The following ARHGAP6 variants were observed in gnomAD, a reference collection of about 807,000 sequenced individuals.
ARHGAP6 encodes Rho GTPase activating protein 6.
Under a neutral mutation model 55.7 loss-of-function variants are expected in ARHGAP6, and 16 were observed. The observed-to-expected ratio is 0.29, with a 90% CI of 0.19 to 0.44. The LOEUF (loss-of-function observed/expected upper bound fraction) is 0.44. Among genes scored for constraint, ARHGAP6 ranks in the 20% least tolerant of loss-of-function variants. The pLI is 1.00. For synonymous variants in ARHGAP6, 382 were observed against 360.9 expected (o/e 1.06, Z -0.66); for missense variants, 698 against 808.9 (o/e 0.86, Z 1.66).
At position 11,389,641 on chromosome X, in the gene ARHGAP6, CAT is replaced by C. The variant is rs1472773503; in HGVS notation, c.589-134936_589-134935del. 3.4e-4 allele frequency among the ~76,000 whole-genome samples: 38 copies of C among 112,448 alleles called. 1 individual carries two copies. Among genetic ancestry groups the C allele is most frequent in the African/African-American group, 1.2e-3 (38 of 31,063 alleles). ...AAATATCTGTGTTTGCTAAATTTTA[CAT>C]GTCCTAAATAATACATTTGTAGGGG... On this transcript the variant is annotated intron_variant, in intron 1 of 12. Coordinates refer to ENST00000337414, the MANE Select transcript of ARHGAP6 (RefSeq NM_013427.3).
At chrX:11,292,572 A>G (rs1332798405) in intron 1 of ARHGAP6, among the ~76,000 whole-genome samples, 2 of 111,738 alleles carry the variant, frequency 1.8e-5, no homozygotes, top group Admixed American at 1.9e-4. Context: ...CCAGAAGGAT[A>G]TGGGCAAAGA....
At chrX:11,298,976 G>A in intron 1 of ARHGAP6, 2 of 1,208,252 alleles carry the variant, frequency 1.7e-6, no homozygotes, top group Non-Finnish European at 2.2e-6. Context: ...AGGAAGTGGT[G>A]AGTATATTTT....
At chrX:11,510,864 A>C (rs2147866591) in intron 1 of ARHGAP6, among the ~76,000 whole-genome samples, 1 of 111,989 alleles carries the variant, frequency 8.9e-6, no homozygotes. Context: ...TCTATACATA[A>C]AGTTTTATTA....
At position 11,139,262 on chromosome X, in the gene ARHGAP6, G is replaced by A. The variant is rs1382832390; in HGVS notation, c.2526C>T (p.Thr842=). 4 of 1,196,466 alleles carry A rather than the reference G, an allele frequency of 3.3e-6. No homozygotes were observed. Among genetic ancestry groups the A allele is most frequent in the African/African-American group, 3.5e-5 (2 of 57,624 alleles). Residue 842 remains threonine, a synonymous_variant, in exon 13 of 13, where the codon ACC becomes ACT. Transcript: ENST00000337414. ...CGCTGAGGTCGTGGGCGCCGCTCAG[G>A]GTCAAGTACTGCTCCGACCTGGCCG... ...RPTARSEQYL[T]LSGAHDLSES...
intron 2 of ARHGAP6, among the ~76,000 whole-genome samples, chrX:11,251,274 C>A (rs187893375): frequency 2.7e-5 from 3 of 111,675 alleles, no homozygotes. Flanking sequence ...ACGTGCCCTC[C>A]CACCATCTTC....
At chrX:11,326,256 G>A (rs2048497110) in intron 1 of ARHGAP6, among the ~76,000 whole-genome samples, 1 of 109,055 alleles carries the variant, frequency 9.2e-6, no homozygotes, top group Admixed American at 9.9e-5. Flanking sequence ...AGCCTCCCAA[G>A]TAGCTGGGAT....
chrX:11,582,867 T>C (rs887252693), intron 1 of ARHGAP6, among the ~76,000 whole-genome samples: 1 of 111,483 alleles, frequency 9.0e-6, no homozygotes, highest in Non-Finnish European at 1.9e-5. Context: ...GTATACAATA[T>C]ATACACATAT....
At chrX:11,338,862 TC>T (rs1353681627) in intron 1 of ARHGAP6, among the ~76,000 whole-genome samples, 4 of 112,067 alleles carry the variant, frequency 3.6e-5, no homozygotes, top group African/African-American at 1.3e-4. Flanking sequence ...CATCTGGACC[TC>T]CCCCAGCTTT....
At chrX:11,214,903 G>A (rs1201419283) in intron 2 of ARHGAP6, among the ~76,000 whole-genome samples, 2 of 113,391 alleles carry the variant, frequency 1.8e-5, no homozygotes, top group African/African-American at 6.4e-5. Context: ...GGGAAAGCCG[G>A]CATGAGGCCC....
rs184170945 is a variant in ARHGAP6, at chrX:11,555,343, C to T, written c.588+108898G>A. On this transcript the variant is annotated intron_variant, in intron 1 of 12. Transcript: ENST00000337414. ...AATAATGCTTAATACGTAAATATTG[C>T]AAAGAAAAATAAAGCTGGATAAAGG... Among the ~76,000 whole-genome samples, 406 of 111,100 alleles carry T rather than the reference C, an allele frequency of 3.7e-3. 1 individual carries two copies. The highest frequency in any genetic ancestry group is 0.013 in the African/African-American group (390 of 30,542).
At chrX:11,318,093 T>C (rs2048381643) in intron 1 of ARHGAP6, among the ~76,000 whole-genome samples, 1 of 112,387 alleles carries the variant, frequency 8.9e-6, no homozygotes, top group Non-Finnish European at 1.9e-5. Flanking sequence ...CTATTTGGCT[T>C]TAACGTCTAC....
At chrX:11,272,175 A>T in intron 1 of ARHGAP6, among the ~76,000 whole-genome samples, 1 of 112,149 alleles carries the variant, frequency 8.9e-6, no homozygotes, top group Non-Finnish European at 1.9e-5. Context: ...TGAATATTGA[A>T]TTGGTAATTG....
intron 1 of ARHGAP6, among the ~76,000 whole-genome samples, chrX:11,302,876 T>C (rs2048189159): frequency 9.0e-6 from 1 of 111,527 alleles, no homozygotes; most frequent in Non-Finnish European, 1.9e-5. Context: ...ATGTCAAGTT[T>C]ACCATCCCCT....
intron 1 of ARHGAP6, among the ~76,000 whole-genome samples, chrX:11,388,116 G>C (rs997623642): frequency 8.9e-6 from 1 of 111,944 alleles, no homozygotes; most frequent in Non-Finnish European, 1.9e-5. Flanking sequence ...CTAGATCCCT[G>C]AGGAATCAAC....
chrX:11,637,225 G>C, intron 1 of ARHGAP6, among the ~76,000 whole-genome samples: 1 of 111,118 alleles, frequency 9.0e-6, no homozygotes, highest in Middle Eastern at 4.7e-3. Context: ...TTATTGCCCA[G>C]CATCCATTAC....
At chrX:11,220,483 T>G (rs1215261596) in intron 2 of ARHGAP6, among the ~76,000 whole-genome samples, 2 of 111,230 alleles carry the variant, frequency 1.8e-5, no homozygotes, top group African/African-American at 6.5e-5. Flanking sequence ...ATATTCAACA[T>G]TCTTAAAGAA....
intron 1 of ARHGAP6, among the ~76,000 whole-genome samples, chrX:11,528,668 A>G (rs1034724718): frequency 1.8e-5 from 2 of 111,900 alleles, no homozygotes; most frequent in Non-Finnish European, 1.9e-5. Context: ...ATATTTCCCC[A>G]GCCCTCCTAG....
chrX:11,361,911 T>C (rs1363411627), intron 1 of ARHGAP6, among the ~76,000 whole-genome samples: 3 of 112,155 alleles, frequency 2.7e-5, no homozygotes, highest in East Asian at 2.8e-4. Context: ...AAAATGCTCA[T>C]CATCACTGGC....
intron 11 of ARHGAP6, chrX:11,143,235 T>C (rs917529765): frequency 9.0e-6 from 1 of 111,645 alleles, no homozygotes; most frequent in African/African-American, 3.3e-5. Context: ...CCCTAGGAGG[T>C]TCCCAGCAGA....
Sources: allele counts gnomAD v4.1 joint callset (sites outside exome capture counted in the v4.1 genomes callset), GRCh38; gene constraint gnomAD v4.1.1; transcripts MANE v1.5; gene names NCBI Gene and HGNC (gene_info 2026-07-23, HGNC 2026-07-21).